The following NEK10 variants were observed in gnomAD, a reference collection of about 807,000 sequenced individuals.
The protein encoded by NEK10 is serine/threonine-protein kinase Nek10.
NEK10 carries 122 observed loss-of-function variants against 159.8 expected under a neutral mutation model. That is an observed-to-expected ratio of 0.76 (90% CI 0.66 to 0.89). The LOEUF (loss-of-function observed/expected upper bound fraction) is 0.89. Among genes scored for constraint, NEK10 ranks in the 40% least tolerant of loss-of-function variants. The probability of loss-of-function intolerance (pLI) is 0.00; values close to 1 mark genes in which losing one functional copy is unlikely to be tolerated. For missense variants in NEK10, 1,342 were observed against 1,323.1 expected (o/e 1.01, Z -0.22); for synonymous variants, 466 against 457.1 (o/e 1.02, Z -0.25).
At chr3:27,221,373 C>T (rs1466433609) in intron 23 of NEK10, among the ~76,000 whole-genome samples, 1 of 152,176 alleles carries the variant, frequency 6.6e-6, no homozygotes, top group East Asian at 1.9e-4. Flanking sequence ...TCATGAGTTA[C>T]AGAAAAATGC....
At chr3:27,205,367 C>A (rs1165438936) in intron 23 of NEK10, among the ~76,000 whole-genome samples, 1 of 131,710 alleles carries the variant, frequency 7.6e-6, no homozygotes. Flanking sequence ...CTTTAAAGTT[C>A]ATATGGAACC....
chr3:27,364,351 TGTGTGTGTGTGTG>T (rs2048902746), intron 1 of NEK10, among the ~76,000 whole-genome samples: 1 of 470 alleles, frequency 2.1e-3, no homozygotes, highest in Admixed American at 0.045. Context: ...TGGCTAATTG[TGTGTGTGTGTGTG>T]TGTGTGTGTG....
intron 23 of NEK10, 151 bp from the exon 24 acceptor site, chr3:27,202,708 T>C (rs1378314169): frequency 9.2e-7 from 1 of 1,084,930 alleles, no homozygotes; most frequent in Non-Finnish European, 1.2e-6. Context: ...AAAGTCTGTT[T>C]GAAATTTCCC....
intron 23 of NEK10, among the ~76,000 whole-genome samples, chr3:27,212,521 C>T (rs1951096779): frequency 6.6e-6 from 1 of 152,254 alleles, no homozygotes; most frequent in African/African-American, 2.4e-5. Context: ...TCTCCCTATT[C>T]CCATTTGCTG....
At chr3:27,262,533 T>C (rs1405689742) in intron 22 of NEK10, among the ~76,000 whole-genome samples, 2 of 152,184 alleles carry the variant, frequency 1.3e-5, no homozygotes, top group Non-Finnish European at 2.9e-5. Flanking sequence ...GTTTGTTTCT[T>C]TTTACTCTTT....
rs1247086451 is a variant in NEK10 at position 27,283,550 on chromosome 3, G to A, written c.2014+1052C>T. Among the ~76,000 whole-genome samples the A allele has an allele frequency of 3.3e-5, 5 of 152,276 alleles. No homozygotes were observed. The East Asian group carries it at 9.6e-4, about 29-fold the overall frequency. On this transcript the variant is annotated intron_variant, in intron 22 of 35. Coordinates refer to ENST00000691995, the MANE Select transcript of NEK10 (RefSeq NM_001394966.1). ...ATTTGGAGACTGCTGGTTTAGGAAG[G>A]TGTCTCCCTAATTGTAGTTAGTGAA...
intron 28 of NEK10, among the ~76,000 whole-genome samples, chr3:27,173,591 T>A: frequency 6.6e-6 from 1 of 152,200 alleles, no homozygotes. Flanking sequence ...GGACAAAGAA[T>A]GTAGCTAAAT....
At chr3:27,202,106 A>C (rs1162765277) in intron 24 of NEK10, among the ~76,000 whole-genome samples, 1 of 152,144 alleles carries the variant, frequency 6.6e-6, no homozygotes, top group African/African-American at 2.4e-5. Context: ...AGCCAAGATC[A>C]TGTCACTGCA....
At chr3:27,190,264 C>T (rs1386285993) in intron 26 of NEK10, among the ~76,000 whole-genome samples, 8 of 152,080 alleles carry the variant, frequency 5.3e-5, no homozygotes, top group Non-Finnish European at 1.2e-4. Context: ...TGGCGATAGC[C>T]TGAAATCTAT....
intron 26 of NEK10, among the ~76,000 whole-genome samples, chr3:27,178,617 T>C (rs1442761315): frequency 6.6e-6 from 1 of 152,158 alleles, no homozygotes; most frequent in African/African-American, 2.4e-5. Flanking sequence ...TCATGGATGA[T>C]TGCACAAAGA....
At chr3:27,136,103 ATT>A (rs775843715) in intron 31 of NEK10, among the ~76,000 whole-genome samples, 1,748 of 60,658 alleles carry the variant, frequency 0.029, 63 homozygotes, top group South Asian at 0.068. Flanking sequence ...TAGGAGATCG[ATT>A]TTTTTTTTTT....
intron 23 of NEK10, among the ~76,000 whole-genome samples, chr3:27,253,426 A>G (rs551583205): frequency 2.0e-5 from 3 of 152,334 alleles, no homozygotes; most frequent in African/African-American, 7.2e-5. Flanking sequence ...CAAGTACCAT[A>G]TTTGGATATT....
At chr3:27,284,255 G>A (rs921702574) in intron 22 of NEK10, among the ~76,000 whole-genome samples, 1 of 152,012 alleles carries the variant, frequency 6.6e-6, no homozygotes, top group African/African-American at 2.4e-5. Context: ...CATGGTGGCG[G>A]GTGCCCATAA....
At position 27,346,093 on chromosome 3, in the gene NEK10, T is replaced by C. The variant is rs938227556; in HGVS notation, c.256A>G (p.Asn86Asp). ...HESTEAVELENFSINYKNERN... is the reference protein window; with the variant it reads ...HESTEAVELEDFSINYKNERN... ...AGATGCTGGATTTCTTACCTAAAAT[T>C]TTCAAGTTCAACAGCTTCTGTGGAT... is the stretch of plus-strand genomic sequence containing the variant. Residue 86 changes from asparagine to aspartate, a missense_variant, in exon 4 of 36, where the codon AAT (asparagine) becomes GAT (aspartate). Physicochemically the swap from Asn to Asp is conservative, Grantham distance 23. Coordinates refer to ENST00000691995, the MANE Select transcript of NEK10 (RefSeq NM_001394966.1). 6.2e-7 allele frequency: 1 copy of C among 1,613,488 alleles called. No homozygotes were observed. Among genetic ancestry groups the C allele is most frequent in the Non-Finnish European group, 8.5e-7 (1 of 1,179,650 alleles).
intron 22 of NEK10, among the ~76,000 whole-genome samples, chr3:27,267,174 G>T (rs1188559938): frequency 6.6e-6 from 1 of 152,162 alleles, no homozygotes; most frequent in African/African-American, 2.4e-5. Flanking sequence ...CTTTCTGTTT[G>T]ACAGCTTTAT....
At chr3:27,293,831 T>A (rs1656292264) in intron 15 of NEK10, among the ~76,000 whole-genome samples, 179 bp from the exon 16 acceptor site, 1 of 152,224 alleles carries the variant, frequency 6.6e-6, no homozygotes, top group East Asian at 1.9e-4. Flanking sequence ...CATTCCTGTA[T>A]TTAAAAAGTG....
intron 22 of NEK10, among the ~76,000 whole-genome samples, chr3:27,261,789 T>C (rs1004066478): frequency 8.5e-5 from 13 of 152,196 alleles, no homozygotes; most frequent in Admixed American, 6.5e-4. Flanking sequence ...GTTAACTTTC[T>C]GTCTTGTTGA....
intron 22 of NEK10, among the ~76,000 whole-genome samples, chr3:27,261,802 T>A (rs1334797997): frequency 6.6e-6 from 1 of 152,186 alleles, no homozygotes; most frequent in Non-Finnish European, 1.5e-5. Context: ...CTTGTTGATC[T>A]GTCTAATGTT....
chr3:27,270,193 T>A (rs2041223278), intron 22 of NEK10, among the ~76,000 whole-genome samples: 1 of 152,136 alleles, frequency 6.6e-6, no homozygotes, highest in Admixed American at 6.5e-5. Context: ...GCTCACTGAC[T>A]CTCTCTCAGA....
Sources: allele counts gnomAD v4.1 joint callset (sites outside exome capture counted in the v4.1 genomes callset), GRCh38; gene constraint gnomAD v4.1.1; transcripts MANE v1.5; gene names NCBI Gene and HGNC (gene_info 2026-07-23, HGNC 2026-07-21).